Variants in CACNA2D1 observed in about 807,000 individuals in gnomAD.
CACNA2D1 encodes the protein voltage-dependent calcium channel subunit alpha-2/delta-1.
CACNA2D1 carries 53 observed loss-of-function variants against 171.5 expected under a neutral mutation model. The ratio of observed to expected loss-of-function variants is 0.31; its 90% CI spans 0.25 to 0.39. The LOEUF (loss-of-function observed/expected upper bound fraction) is 0.39, where lower values mean the gene tolerates loss of function less well. Among genes scored for constraint, CACNA2D1 ranks in the 10% least tolerant of loss-of-function variants. The pLI is 1.00. For missense variants in CACNA2D1, 903 were observed against 1,299.8 expected (o/e 0.69, Z 4.69); for synonymous variants, 442 against 443.1 (o/e 1.00, Z 0.03).
intron 20 of CACNA2D1, among the ~76,000 whole-genome samples, chr7:81,993,453 G>A (rs1226306649): frequency 6.6e-6 from 1 of 152,080 alleles, no homozygotes. Context: ...GTGGAATTCA[G>A]CTACTTTGGC....
intron 2 of CACNA2D1, among the ~76,000 whole-genome samples, chr7:82,338,345 G>T (rs1326729203): frequency 6.6e-6 from 1 of 151,544 alleles, no homozygotes; most frequent in Non-Finnish European, 1.5e-5. Context: ...AAAAAAAAAA[G>T]TTTTTTAGAG....
Position 82,064,370 on chromosome 7 carries a change from TA to T in CACNA2D1, c.729-17del. The T allele has an allele frequency of 6.3e-7, 1 of 1,576,344 alleles. No individual in the cohort carries two copies. Among genetic ancestry groups the T allele is most frequent in the Non-Finnish European group, 8.7e-7 (1 of 1,146,826 alleles). Reference sequence around the variant, plus strand: ...TTGGATGTACCTGAAACAAATATTGTAATAAATGCTTTTCTCTTCCAAAATA... The same window carrying T: ...TTGGATGTACCTGAAACAAATATTGTATAAATGCTTTTCTCTTCCAAAATA... On this transcript the variant is annotated splice_polypyrimidine_tract_variant and intron_variant, in intron 8 of 38. Coordinates refer to ENST00000356860, the MANE Select transcript of CACNA2D1 (RefSeq NM_000722.4).
chr7:82,352,522 A>T (rs1819965456), intron 1 of CACNA2D1, among the ~76,000 whole-genome samples: 1 of 152,218 alleles, frequency 6.6e-6, no homozygotes, highest in African/African-American at 2.4e-5. Flanking sequence ...GGAAGAATTC[A>T]TTGTTGTTCT....
At chr7:82,115,711 A>G (rs974374011) in intron 6 of CACNA2D1, among the ~76,000 whole-genome samples, 1 of 151,714 alleles carries the variant, frequency 6.6e-6, no homozygotes, top group Non-Finnish European at 1.5e-5. Context: ...TGCATTAAAA[A>G]TTGTTTTTAA....
chr7:82,019,233 T>A (rs1800883438), intron 12 of CACNA2D1, among the ~76,000 whole-genome samples: 1 of 151,900 alleles, frequency 6.6e-6, no homozygotes, highest in South Asian at 2.1e-4. Flanking sequence ...GGCAGGAGAA[T>A]TACTTGAACC....
At chr7:82,221,156 AC>A (rs1801716681) in intron 3 of CACNA2D1, among the ~76,000 whole-genome samples, 1 of 151,820 alleles carries the variant, frequency 6.6e-6, no homozygotes, top group African/African-American at 2.4e-5. Context: ...ATTCTTTGTT[AC>A]ATTAAAGCAC....
rs78021524 is a variant in CACNA2D1 at position 82,425,491 on chromosome 7, A to G, written c.95+17874T>C. 4.1e-3 allele frequency among the ~76,000 whole-genome samples: 619 copies of G among 152,098 alleles called. 1 individual carries two copies. The highest frequency in any genetic ancestry group is 7.2e-3 in the Admixed American group (110 of 15,282). ...ACAGAATAGAAAATACCAAACCAAA[A>G]TAAATAAATAAATAAATTTACATTA... On this transcript the variant is annotated intron_variant, in intron 1 of 38. Transcript: ENST00000356860.
At chr7:82,338,704 A>G (rs1818280387) in intron 2 of CACNA2D1, among the ~76,000 whole-genome samples, 1 of 152,206 alleles carries the variant, frequency 6.6e-6, no homozygotes, top group Non-Finnish European at 1.5e-5. Flanking sequence ...TGTCTAGAGC[A>G]GCCGAAGGTG....
chr7:82,227,866 T>C (rs992529931), intron 3 of CACNA2D1, among the ~76,000 whole-genome samples: 2 of 152,180 alleles, frequency 1.3e-5, no homozygotes, highest in African/African-American at 2.4e-5. Context: ...AAAGGCTTTA[T>C]ATATCCTCAC....
intron 5 of CACNA2D1, among the ~76,000 whole-genome samples, chr7:82,128,874 T>C (rs1790643347): frequency 6.6e-6 from 1 of 152,094 alleles, no homozygotes; most frequent in African/African-American, 2.4e-5. Flanking sequence ...TATCTTGTAT[T>C]GTCTTAAGGT....
At chr7:82,112,188 C>T (rs1239542046) in intron 6 of CACNA2D1, among the ~76,000 whole-genome samples, 1 of 152,114 alleles carries the variant, frequency 6.6e-6, no homozygotes. Flanking sequence ...TTGTAAGTAA[C>T]ATCAAATAAT....
intron 1 of CACNA2D1, among the ~76,000 whole-genome samples, chr7:82,401,789 T>C (rs1448102736): frequency 1.3e-5 from 2 of 152,162 alleles, no homozygotes; most frequent in African/African-American, 4.8e-5. Flanking sequence ...AGACTGGAAC[T>C]ACATCAGTGA....
chr7:82,021,110 A>G (rs554283645), intron 12 of CACNA2D1: 28 of 152,180 alleles, frequency 1.8e-4, no homozygotes, highest in African/African-American at 6.5e-4. Context: ...CTTTTTCTCT[A>G]TATGCATTTA....
At chr7:81,985,227 G>GTTTTTTTTTTTTTTTTTTT (rs1796843762) in intron 21 of CACNA2D1, among the ~76,000 whole-genome samples, 1 of 123,126 alleles carries the variant, frequency 8.1e-6, no homozygotes, top group African/African-American at 3.4e-5. Context: ...TGGAGACAAG[G>GTTTTTTTTTTTTTTTTTTT]TCTCACTCTA....
At chr7:82,130,039 G>A (rs1367070974) in intron 5 of CACNA2D1, among the ~76,000 whole-genome samples, 6 of 152,196 alleles carry the variant, frequency 3.9e-5, no homozygotes, top group Non-Finnish European at 7.3e-5. Context: ...GTATGGGGAA[G>A]TAATTCTAGA....
chr7:82,205,013 G>A (rs1445330807), intron 3 of CACNA2D1, among the ~76,000 whole-genome samples: 1 of 152,142 alleles, frequency 6.6e-6, no homozygotes, highest in Admixed American at 6.6e-5. Flanking sequence ...TCTGTCAAAG[G>A]CATAACTACC....
Position 82,127,544 on chromosome 7 carries a change from A to G in CACNA2D1, c.396+9091T>C, listed in dbSNP as rs532286802. On this transcript the variant is annotated intron_variant, in intron 5 of 38. Transcript: ENST00000356860. Reference sequence around the variant, plus strand: ...CCTCAAATCACTAAAACTTTAGTAGAGAAGATCAAACCCTGTACACATATT... The same window carrying G: ...CCTCAAATCACTAAAACTTTAGTAGGGAAGATCAAACCCTGTACACATATT... Among the ~76,000 whole-genome samples the G allele has an allele frequency of 1.6e-4, 25 of 152,332 alleles. No individual in the cohort carries two copies. In the East Asian group the frequency reaches 3.9e-3, roughly 24 times the overall value.
intron 9 of CACNA2D1, among the ~76,000 whole-genome samples, chr7:82,062,177 C>T (rs755208052): frequency 2.6e-5 from 4 of 152,128 alleles, no homozygotes; most frequent in Non-Finnish European, 5.9e-5. Flanking sequence ...GTTATCTTGG[C>T]CCACACCCAG....
At position 82,399,272 on chromosome 7, in the gene CACNA2D1, T is replaced by A. The variant is rs142027805; in HGVS notation, c.95+44093A>T. 7.2e-3 allele frequency among the ~76,000 whole-genome samples: 1,089 copies of A among 152,122 alleles called. 10 individuals are homozygous for A. Among genetic ancestry groups the A allele is most frequent in the African/African-American group, 0.025 (1,056 of 41,508 alleles). ...CTGGTCCACATGACAAAACCCTGTC[T>A]CTACAAAAAATACGAAAATTAGCCA... is the stretch of plus-strand genomic sequence containing the variant. On this transcript the variant is annotated intron_variant, in intron 1 of 38. Coordinates refer to ENST00000356860, the MANE Select transcript of CACNA2D1 (RefSeq NM_000722.4).
Sources: allele counts gnomAD v4.1 joint callset (sites outside exome capture counted in the v4.1 genomes callset), GRCh38; gene constraint gnomAD v4.1.1; transcripts MANE v1.5; gene names NCBI Gene and HGNC (gene_info 2026-07-23, HGNC 2026-07-21).